The following KIF13B variants were observed in gnomAD, a reference collection of about 807,000 sequenced individuals.
KIF13B encodes kinesin-like protein KIF13B.
A neutral mutation model predicts 222.0 loss-of-function variants in KIF13B; 127 were observed. That is an observed-to-expected ratio of 0.57 (90% CI 0.50 to 0.66). KIF13B has a LOEUF of 0.66. Ranked by LOEUF, KIF13B falls within the 30% of genes least tolerant of loss-of-function variation. The pLI is 0.00. For synonymous variants in KIF13B, 976 were observed against 919.0 expected (o/e 1.06, Z -1.12); for missense variants, 2,173 against 2,379.0 (o/e 0.91, Z 1.80).
Position 29,067,416 on chromosome 8 carries a change from T to C in KIF13B, c.*3088A>G, listed in dbSNP as rs1807047537. ...AGTCTTTACAAGTCATTAGAGTCTT[T>C]GGATTTTTTAAACTCCCATTTACTG... On this transcript the variant is annotated 3_prime_UTR_variant, in exon 40 of 40. Transcript: ENST00000524189. 6.6e-6 allele frequency: 1 copy of C among 152,608 alleles called. No individual in the cohort carries two copies. Among genetic ancestry groups the C allele is most frequent in the African/African-American group, 2.4e-5 (1 of 41,462 alleles). The allele number at this position is 152,608 out of a possible 1,614,324, so 9.5% of individuals were successfully genotyped here. A position where few individuals can be genotyped will look rare whatever the true frequency, so the allele number is the denominator to read the frequency against.
At chr8:29,211,091 C>T (rs981830776) in intron 2 of KIF13B, among the ~76,000 whole-genome samples, 2 of 152,214 alleles carry the variant, frequency 1.3e-5, no homozygotes, top group African/African-American at 4.8e-5. Context: ...AAGACTGAGA[C>T]AGCTCAGAAG....
intron 37 of KIF13B, among the ~76,000 whole-genome samples, chr8:29,087,127 G>A (rs915302821): frequency 1.3e-5 from 2 of 152,190 alleles, no homozygotes; most frequent in East Asian, 1.9e-4. Context: ...GCTGCAGGGC[G>A]ACTTTATTTC....
chr8:29,114,426 C>A lies in KIF13B; in HGVS notation c.3838-871G>T, dbSNP rs149536116. ...AGAGAGACCATTTATGTCATTAATTCTCTCCCTTAACTTTAGCCTTGCAGT... is the reference window on the plus strand; with the variant it reads ...AGAGAGACCATTTATGTCATTAATTATCTCCCTTAACTTTAGCCTTGCAGT... On this transcript the variant is annotated intron_variant, in intron 31 of 39. Transcript: ENST00000524189. Among the ~76,000 whole-genome samples the A allele has an allele frequency of 5.3e-5, 8 of 152,286 alleles. No homozygotes were observed. The East Asian group carries it at 1.5e-3, about 29-fold the overall frequency.
chr8:29,247,627 G>C (rs913511159), intron 1 of KIF13B, among the ~76,000 whole-genome samples: 2 of 151,562 alleles, frequency 1.3e-5, no homozygotes, highest in Non-Finnish European at 2.9e-5. Context: ...ACAGGAGTTT[G>C]AGACCAGCCT....
intron 21 of KIF13B, among the ~76,000 whole-genome samples, chr8:29,136,286 A>G (rs1332067479): frequency 1.3e-5 from 2 of 152,212 alleles, no homozygotes; most frequent in Admixed American, 1.3e-4. Flanking sequence ...AATAAATAGA[A>G]TAAATATCTC....
chr8:29,229,510 T>C (rs1815191701), intron 2 of KIF13B, among the ~76,000 whole-genome samples: 1 of 152,202 alleles, frequency 6.6e-6, no homozygotes, highest in Admixed American at 6.5e-5. Flanking sequence ...ATATAAACAA[T>C]ACTAATGCCT....
At chr8:29,134,330 A>G (rs1037741399) in intron 21 of KIF13B, 120 bp from the exon 22 acceptor site, 75 of 873,790 alleles carry the variant, frequency 8.6e-5, no homozygotes, top group Non-Finnish European at 1.1e-4. Flanking sequence ...TATGTTGGCC[A>G]AATCCCATTC....
At chr8:29,127,474 T>C (rs950837625) in intron 24 of KIF13B, among the ~76,000 whole-genome samples, 1 of 152,110 alleles carries the variant, frequency 6.6e-6, no homozygotes, top group Non-Finnish European at 1.5e-5. Context: ...ACAGAATAAA[T>C]ATATGTTTAC....
At chr8:29,243,413 T>C (rs1169466631) in intron 2 of KIF13B, among the ~76,000 whole-genome samples, 2 of 151,338 alleles carry the variant, frequency 1.3e-5, no homozygotes, top group African/African-American at 2.4e-5. Context: ...TCCCAGCACT[T>C]TGGGAGGCCG....
intron 8 of KIF13B, among the ~76,000 whole-genome samples, chr8:29,179,868 G>C (rs1180887241): frequency 6.6e-6 from 1 of 152,118 alleles, no homozygotes; most frequent in Non-Finnish European, 1.5e-5. Context: ...GTTATTCCTC[G>C]AGAGGCAGTC....
chr8:29,075,222 G>T, intron 38 of KIF13B, 59 bp downstream of exon 38: 1 of 1,409,626 alleles, frequency 7.1e-7, no homozygotes. Context: ...AACAGTTTCG[G>T]CATCAGGGCC....
At chr8:29,157,415 A>T (rs1396877571) in intron 13 of KIF13B, among the ~76,000 whole-genome samples, 1 of 150,462 alleles carries the variant, frequency 6.6e-6, no homozygotes, top group African/African-American at 2.4e-5. Flanking sequence ...AAAAAAAAAA[A>T]ATTGTGGCCA....
chr8:29,183,858 CAT>C (rs1431473121), intron 6 of KIF13B, among the ~76,000 whole-genome samples: 3 of 152,244 alleles, frequency 2.0e-5, no homozygotes, highest in East Asian at 3.9e-4. Flanking sequence ...ATGTAGAACA[CAT>C]ATAATGAATG....
At chr8:29,215,394 G>C (rs534567990) in intron 2 of KIF13B, among the ~76,000 whole-genome samples, 1 of 152,238 alleles carries the variant, frequency 6.6e-6, no homozygotes, top group East Asian at 1.9e-4. Context: ...CAACTCTATA[G>C]AACAGTATGC....
chr8:29,208,316 T>G (rs546185932), intron 2 of KIF13B, among the ~76,000 whole-genome samples: 4 of 152,220 alleles, frequency 2.6e-5, no homozygotes, highest in African/African-American at 9.6e-5. Flanking sequence ...TGGCAATTAC[T>G]TCTAAGGTGT....
intron 21 of KIF13B, among the ~76,000 whole-genome samples, chr8:29,138,913 T>C (rs908952216): frequency 7.9e-5 from 12 of 152,208 alleles, no homozygotes; most frequent in African/African-American, 2.9e-4. Flanking sequence ...TAAGAAATTA[T>C]TAATTTTTGA....
chr8:29,208,137 A>C (rs1277591628), intron 2 of KIF13B, among the ~76,000 whole-genome samples: 1 of 152,222 alleles, frequency 6.6e-6, no homozygotes, highest in African/African-American at 2.4e-5. Flanking sequence ...CAGGGAAATA[A>C]GAACTTAAAA....
At chr8:29,207,921 C>T (rs1814027441) in intron 2 of KIF13B, among the ~76,000 whole-genome samples, 1 of 152,152 alleles carries the variant, frequency 6.6e-6, no homozygotes, top group African/African-American at 2.4e-5. Context: ...GCACGGCAGA[C>T]AGTCTGGGGC....
intron 37 of KIF13B, among the ~76,000 whole-genome samples, chr8:29,088,063 C>T (rs534747267): frequency 6.6e-5 from 10 of 151,850 alleles, no homozygotes; most frequent in Non-Finnish European, 1.0e-4. Context: ...ATCAAGAGAT[C>T]GAGACCATCC....
Sources: allele counts gnomAD v4.1 joint callset (sites outside exome capture counted in the v4.1 genomes callset), GRCh38; gene constraint gnomAD v4.1.1; transcripts MANE v1.5; gene names NCBI Gene and HGNC (gene_info 2026-07-23, HGNC 2026-07-21).